DNAJC2: variants seen among roughly 807,000 people sequenced by gnomAD.
The protein encoded by DNAJC2 is dnaJ homolog subfamily C member 2.
Under a neutral mutation model 94.0 loss-of-function variants are expected in DNAJC2, and 32 were observed. The observed-to-expected ratio is 0.34, with a 90% CI of 0.26 to 0.46. The LOEUF (loss-of-function observed/expected upper bound fraction) is 0.46, where lower values mean the gene tolerates loss of function less well. DNAJC2 is among the 20% of genes least tolerant of loss of function. The pLI, the probability that DNAJC2 is intolerant of heterozygous loss-of-function variation, is 1.00. For missense variants in DNAJC2, 550 were observed against 719.5 expected (o/e 0.76, Z 2.69); for synonymous variants, 210 against 229.7 (o/e 0.91, Z 0.77).
intron 5 of DNAJC2, 40 bp downstream of exon 5, chr7:103,326,503 C>T (rs1186469214): frequency 6.2e-7 from 1 of 1,605,736 alleles, no homozygotes; most frequent in East Asian, 2.2e-5. Context: ...AATAAACAAG[C>T]CAACAGGGCA....
chr7:103,341,392 C>CGACTTAGT (rs1819368064), intron 2 of DNAJC2, among the ~76,000 whole-genome samples: 5 of 152,168 alleles, frequency 3.3e-5, no homozygotes, highest in Non-Finnish European at 5.9e-5. Context: ...CATCACCATA[C>CGACTTAGT]CGCATGTACC....
chr7:103,314,422 C>T (rs924656982), intron 15 of DNAJC2: 2 of 985,252 alleles, frequency 2.0e-6, no homozygotes, highest in African/African-American at 1.7e-5. Context: ...ACCCACATAG[C>T]ACTACTGCCA....
chr7:103,315,183 TGA>T (rs1271109561), intron 15 of DNAJC2, among the ~76,000 whole-genome samples: 5 of 145,350 alleles, frequency 3.4e-5, no homozygotes, highest in Admixed American at 6.9e-5. Flanking sequence ...TTTTTTTTTT[TGA>T]GTCTTACTAT....
intron 3 of DNAJC2, among the ~76,000 whole-genome samples, chr7:103,328,510 G>A (rs1354912340): frequency 2.0e-4 from 30 of 151,850 alleles, no homozygotes; most frequent in Non-Finnish European, 1.5e-5. Flanking sequence ...GCATGCCTGT[G>A]GTCCCAGCTA....
intron 5 of DNAJC2, among the ~76,000 whole-genome samples, chr7:103,325,482 A>G (rs1345263499): frequency 2.0e-5 from 3 of 151,802 alleles, no homozygotes; most frequent in Non-Finnish European, 4.4e-5. Flanking sequence ...GGTGAAATCC[A>G]AGGGAGAAAG....
chr7:103,320,454 C>T (rs1818322814), intron 10 of DNAJC2, among the ~76,000 whole-genome samples: 1 of 151,940 alleles, frequency 6.6e-6, no homozygotes, highest in Admixed American at 6.6e-5. Flanking sequence ...TTTTTCTAAA[C>T]ATAATCATCT....
chr7:103,341,959 G>A lies in DNAJC2; in HGVS notation c.65-5C>T, dbSNP rs756024148. ...CAACTTGACAGAGTGTAGAGGCTGT[G>A]ATTGAAAGTGTTAAGAGAGGCTTCA... On this transcript the variant is annotated splice_polypyrimidine_tract_variant and splice_region_variant and intron_variant, in intron 1 of 16. Coordinates refer to ENST00000379263, the MANE Select transcript of DNAJC2 (RefSeq NM_014377.3). 4 of 1,558,294 alleles carry A rather than the reference G, an allele frequency of 2.6e-6. No individual in the cohort carries two copies. In the African/African-American group the frequency reaches 4.1e-5, roughly 16 times the overall value.
chr7:103,320,236 C>A, intron 10 of DNAJC2, among the ~76,000 whole-genome samples: 1 of 151,944 alleles, frequency 6.6e-6, no homozygotes, highest in East Asian at 2.0e-4. Context: ...TTACAGGCGC[C>A]TGCCACCACA....
chr7:103,332,999 T>A lies in DNAJC2; in HGVS notation c.331+4737A>T, dbSNP rs186128274. Among the ~76,000 whole-genome samples the A allele has an allele frequency of 1.3e-3, 192 of 152,300 alleles. 2 individuals carry two copies. Among genetic ancestry groups the A allele is most frequent in the African/African-American group, 4.6e-3 (190 of 41,572 alleles). On this transcript the variant is annotated intron_variant, in intron 3 of 16. Coordinates refer to ENST00000379263, the MANE Select transcript of DNAJC2 (RefSeq NM_014377.3). ...ACCAAAAGTGTTCGGGATTTCAAAT[T>A]TTTTTAGATTTTGGAATATCTGCAT...
intron 2 of DNAJC2, among the ~76,000 whole-genome samples, chr7:103,341,379 TCTCATC>T (rs1819367404): frequency 3.3e-5 from 5 of 152,208 alleles, no homozygotes; most frequent in Non-Finnish European, 5.9e-5. Context: ...ACACTAGATT[TCTCATC>T]ACCATACCGC....
intron 3 of DNAJC2, among the ~76,000 whole-genome samples, chr7:103,332,109 A>G (rs1036904074): frequency 6.6e-6 from 1 of 150,410 alleles, no homozygotes; most frequent in African/African-American, 2.5e-5. Flanking sequence ...GGTTCATGCC[A>G]TTCTCCTGCC....
intron 15 of DNAJC2, chr7:103,313,494 T>G (rs961723193): frequency 1.4e-5 from 14 of 984,996 alleles, no homozygotes; most frequent in African/African-American, 1.7e-5. Context: ...CCTTACAGAA[T>G]AGGTAAAAGA....
At chr7:103,314,465 C>CA (rs1373085629) in intron 15 of DNAJC2, 1 of 985,288 alleles carries the variant, frequency 1.0e-6, no homozygotes, top group Non-Finnish European at 1.2e-6. Flanking sequence ...CACCTCTCCT[C>CA]ACAGAAAGCA....
At position 103,321,175 on chromosome 7, in the gene DNAJC2, G is replaced by C. The variant is rs533806032; in HGVS notation, c.1083+757C>G. ...ATGGCGCCACTGCACTCCAGCCTGA[G>C]TGACTGAGACCCTGCCTCAACAACA... On this transcript the variant is annotated intron_variant, in intron 10 of 16. Transcript: ENST00000379263. Among the ~76,000 whole-genome samples the C allele has an allele frequency of 2.0e-5, 3 of 152,232 alleles. No individual in the cohort carries two copies. The East Asian group carries it at 5.8e-4, about 29-fold the overall frequency.
chr7:103,339,604 GT>G (rs35504252), intron 2 of DNAJC2, among the ~76,000 whole-genome samples: 15,208 of 143,750 alleles, frequency 0.11, 981 homozygotes, highest in Non-Finnish European at 0.16. Context: ...AAATCCAATG[GT>G]TTTTTTTTTT....
intron 15 of DNAJC2, chr7:103,314,367 G>C: frequency 1.0e-6 from 1 of 985,368 alleles, no homozygotes; most frequent in Non-Finnish European, 1.2e-6. Context: ...TACAACTGAA[G>C]AGGAAGGAGC....
chr7:103,324,525 T>A lies in DNAJC2; in HGVS notation c.610A>T (p.Met204Leu). The A allele has an allele frequency of 2.0e-6, 3 of 1,495,818 alleles. No homozygotes were observed. Among genetic ancestry groups the A allele is most frequent in the Non-Finnish European group, 2.7e-6 (3 of 1,111,074 alleles). The allele number at this position is 1,495,818 out of a possible 1,614,324, so 92.7% of individuals were successfully genotyped here. A position where few individuals can be genotyped will look rare whatever the true frequency, so the allele number is the denominator to read the frequency against. ...NKKNVPKLGD[M>L]NSSFEDVDIF... The stretch of plus-strand genomic sequence containing the variant: ...TCTACATCTTCAAATGATGAATTCA[T>A]ATCACCAAGTTTAGGAACATTTTTT... Residue 204 changes from methionine to leucine, a missense_variant, in exon 6 of 17, where the codon ATG becomes TTG. This residue lies in a region of DNAJC2 where 279 missense variants were observed against 416.9 expected (regional missense o/e 0.67). Coordinates refer to ENST00000379263, the MANE Select transcript of DNAJC2 (RefSeq NM_014377.3).
chr7:103,316,979 T>G lies in DNAJC2; in HGVS notation c.1278A>C (p.Lys426Asn). 1 of 1,613,826 alleles carries G rather than the reference T, an allele frequency of 6.2e-7. No individual in the cohort carries two copies. Among genetic ancestry groups the G allele is most frequent in the South Asian group, 1.1e-5 (1 of 91,036 alleles). Residue 426 changes from lysine to asparagine, a missense_variant, in exon 13 of 17, where the codon AAA becomes AAC. By Grantham distance (94) the Lys-to-Asn change is moderately conservative (BLOSUM62 0). Transcript: ENST00000379263. ...GTCGCATACGAGCCTCAGCTTCCTC[T>G]TTCTCTTTTCTGATTTGCTCATTTA... ...EEINEQIRKEKEEAEARMRQA... is the reference protein window; with the variant it reads ...EEINEQIRKENEEAEARMRQA...
At position 103,314,200 on chromosome 7, in the gene DNAJC2, T is replaced by C. The variant is rs1473445478; in HGVS notation, c.1637-1099A>G. On this transcript the variant is annotated intron_variant, in intron 15 of 16. Coordinates refer to ENST00000379263, the MANE Select transcript of DNAJC2 (RefSeq NM_014377.3). ...GTTTAAAGCCCTAAATACCATAGAT[T>C]TTATTTCCTCTCTTGGAAAAAAGAT... 3 of 985,264 alleles carry C rather than the reference T, an allele frequency of 3.0e-6. No individual in the cohort carries two copies. In the East Asian group the frequency reaches 3.4e-4, roughly 112 times the overall value. 61.0% of individuals were successfully genotyped at this position (985,264 alleles called of 1,614,324 possible).
Sources: allele counts gnomAD v4.1 joint callset (sites outside exome capture counted in the v4.1 genomes callset), GRCh38; gene constraint gnomAD v4.1.1; regional missense constraint gnomAD v4.1.1; transcripts MANE v1.5; gene names NCBI Gene and HGNC (gene_info 2026-07-23, HGNC 2026-07-21).